Variants in ZFP37 observed in about 807,000 individuals in gnomAD.
ZFP37 encodes ZFP37 zinc finger protein.
ZFP37 carries 38 observed loss-of-function variants against 52.1 expected under a neutral mutation model. That is an observed-to-expected ratio of 0.73 (90% confidence interval 0.56 to 0.96). ZFP37 has a LOEUF of 0.96. Among genes scored for constraint, ZFP37 ranks in the 40% least tolerant of loss-of-function variants. The pLI is 0.00. For synonymous variants in ZFP37, 253 were observed against 259.5 expected (o/e 0.98, Z 0.24); for missense variants, 695 against 741.4 (o/e 0.94, Z 0.73).
In ZFP37 at chr9:113,044,200, C is replaced by A. The variant is rs772937776; in HGVS notation, c.418G>T (p.Ala140Ser). The A allele has an allele frequency of 6.2e-7, 1 of 1,602,314 alleles. No individual in the cohort carries two copies. The change falls in exon 4 of 4, where the codon GCA (alanine) becomes TCA (serine). Residue 140 changes from alanine (A) to serine (S), a missense_variant. Ala to Ser is a moderately conservative substitution (Grantham distance 99). Coordinates refer to ENST00000374227, the MANE Select transcript of ZFP37 (RefSeq NM_003408.3). ...TTAGCTTGAGTTTTCTTCTTGACTG[C>A]AACTTCCCTGAGGAGTTTGTTTTGA... Reference protein sequence around the residue: ...KSQNKLLREVAVKKKTQAKKN... With the variant: ...KSQNKLLREVSVKKKTQAKKN...
chr9:113,053,459 C>G (rs1829091986), intron 1 of ZFP37, among the ~76,000 whole-genome samples: 1 of 152,186 alleles, frequency 6.6e-6, no homozygotes, highest in African/African-American at 2.4e-5. Flanking sequence ...AGAGAAAAAT[C>G]AAACTGCTGA....
intron 3 of ZFP37, among the ~76,000 whole-genome samples, chr9:113,048,361 G>A (rs1269185411): frequency 6.6e-6 from 1 of 152,154 alleles, no homozygotes; most frequent in Non-Finnish European, 1.5e-5. Flanking sequence ...GCAGATCTAA[G>A]AATGTCCAAT....
chr9:113,039,458 C>G lies in ZFP37; in HGVS notation c.*3267G>C, dbSNP rs1037397678. ...CCGTCATATATATATACATGGTTTGCTCTTTTACCCTCTCTGGGTCTTTGC... is the reference window on the plus strand; with the variant it reads ...CCGTCATATATATATACATGGTTTGGTCTTTTACCCTCTCTGGGTCTTTGC... On this transcript the variant is annotated 3_prime_UTR_variant, in exon 4 of 4. Coordinates refer to ENST00000374227, the MANE Select transcript of ZFP37 (RefSeq NM_003408.3). 2 of 151,984 alleles carry G rather than the reference C, an allele frequency of 1.3e-5. No homozygotes were observed. Among genetic ancestry groups the G allele is most frequent in the African/African-American group, 4.8e-5 (2 of 41,362 alleles). The allele number at this position is 151,984 out of a possible 1,614,324, so 9.4% of individuals were successfully genotyped here.
chr9:113,042,658 TA>T lies in ZFP37; in HGVS notation c.*66del. ...TTGCTAAAGGCTTTCTAACACTCTT[TA>T]AAATCAGCATATTTCCAAGGTTCAA... On this transcript the variant is annotated 3_prime_UTR_variant, in exon 4 of 4. Coordinates refer to ENST00000374227, the MANE Select transcript of ZFP37 (RefSeq NM_003408.3). 1 of 1,386,766 alleles carries T rather than the reference TA, an allele frequency of 7.2e-7. No individual in the cohort carries two copies. The allele number at this position is 1,386,766 out of a possible 1,614,324, so 85.9% of individuals were successfully genotyped here.
At position 113,043,566 on chromosome 9, in the gene ZFP37, C is replaced by T. The variant is rs779620337; in HGVS notation, c.1052G>A (p.Cys351Tyr). 3 of 1,613,892 alleles carry T rather than the reference C, an allele frequency of 1.9e-6. No individual in the cohort carries two copies. The South Asian group carries it at 3.3e-5, about 18-fold the overall frequency. The change falls in exon 4 of 4, where the codon TGT becomes TAT. Residue 351 changes from cysteine (C) to tyrosine (Y), a missense_variant. By Grantham distance (194) the Cys-to-Tyr change is radical. Around this residue, in one of 2 missense-constraint regions of ZFP37, gnomAD observed 326 missense variants for 400.5 expected, o/e 0.81. Coordinates refer to ENST00000374227, the MANE Select transcript of ZFP37 (RefSeq NM_003408.3). ...ACCATGGGCTTTGCCACACTGAATA[C>T]ATTCATATGGTTTTTCTCCGGTGTG... ...RTHTGEKPYECIQCGKAHGHK... is the reference protein window; with the variant it reads ...RTHTGEKPYEYIQCGKAHGHK...
In ZFP37 at chr9:113,042,711, T is replaced by C. The variant is rs376217434; in HGVS notation, c.*14A>G. The C allele has an allele frequency of 2.1e-5, 32 of 1,529,518 alleles. No individual in the cohort carries two copies. The highest frequency in any genetic ancestry group is 2.7e-5 in the Non-Finnish European group (31 of 1,142,644). 94.7% of individuals were successfully genotyped at this position (1,529,518 alleles called of 1,614,324 possible). ...AAAACCTTAAATTTAGTTAACAAAT[T>C]TCCCACATTAACTTCACTCATGAGA... On this transcript the variant is annotated 3_prime_UTR_variant, in exon 4 of 4. Coordinates refer to ENST00000374227, the MANE Select transcript of ZFP37 (RefSeq NM_003408.3).
chr9:113,045,420 C>T (rs1564344554), intron 3 of ZFP37, among the ~76,000 whole-genome samples: 1 of 152,182 alleles, frequency 6.6e-6, no homozygotes, highest in Non-Finnish European at 1.5e-5. Flanking sequence ...TTGTAGTGTA[C>T]ATCCAACCTT....
In ZFP37 at chr9:113,039,722, G is replaced by T. The variant is rs1828816217; in HGVS notation, c.*3003C>A. 6.6e-6 allele frequency: 1 copy of T among 151,990 alleles called. No homozygotes were observed. The highest frequency in any genetic ancestry group is 2.1e-4 in the South Asian group (1 of 4,822). The allele number at this position is 151,990 out of a possible 1,614,324, so 9.4% of individuals were successfully genotyped here. On this transcript the variant is annotated 3_prime_UTR_variant, in exon 4 of 4. Coordinates refer to ENST00000374227, the MANE Select transcript of ZFP37 (RefSeq NM_003408.3). ...TGTTTTGTAGACTGCTGTATCTCAG[G>T]CACTTAGATGATCATATCACTTGAA...
rs983877580 is a variant in ZFP37 at position 113,041,329 on chromosome 9, C to T, written c.*1396G>A. 7.9e-5 allele frequency: 12 copies of T among 152,104 alleles called. No homozygotes were observed. Among genetic ancestry groups the T allele is most frequent in the African/African-American group, 2.9e-4 (12 of 41,410 alleles). The allele number at this position is 152,104 out of a possible 1,614,324, so 9.4% of individuals were successfully genotyped here. A position where few individuals can be genotyped will look rare whatever the true frequency, so the allele number is the denominator to read the frequency against. On this transcript the variant is annotated 3_prime_UTR_variant, in exon 4 of 4. Coordinates refer to ENST00000374227, the MANE Select transcript of ZFP37 (RefSeq NM_003408.3). ...AGTCCAAGTTGATGCATAGTACCTT[C>T]TGGAATGCACGCTGCACAATGATTC... is the stretch of plus-strand genomic sequence containing the variant.
chr9:113,047,668 A>G (rs1036677386), intron 3 of ZFP37, among the ~76,000 whole-genome samples: 29 of 152,366 alleles, frequency 1.9e-4, no homozygotes, highest in African/African-American at 6.7e-4. Flanking sequence ...ATGAGATAAT[A>G]TGAACCTGAT....
In ZFP37 at chr9:113,040,326, C is replaced by CTTTCT. The variant is rs1375667278; in HGVS notation, c.*2394_*2398dup. 1.3e-5 allele frequency: 2 copies of CTTTCT among 152,238 alleles called. No homozygotes were observed. Among genetic ancestry groups the CTTTCT allele is most frequent in the Non-Finnish European group, 2.9e-5 (2 of 68,036 alleles). 9.4% of individuals were successfully genotyped at this position (152,238 alleles called of 1,614,324 possible). ...GTTTCATCCATCTAAAAAGTGCAGG[C>CTTTCT]TTTCTACAGCTCTAGACAGTGATGA... On this transcript the variant is annotated 3_prime_UTR_variant, in exon 4 of 4. Coordinates refer to ENST00000374227, the MANE Select transcript of ZFP37 (RefSeq NM_003408.3).
chr9:113,049,374 C>A lies in ZFP37; in HGVS notation c.337G>T (p.Glu113Ter), dbSNP rs754671458. ...PSKIARPKQK[E>*]TDGKVQKDDD... The stretch of plus-strand genomic sequence containing the variant: ...AGTTACAACTTACTTCCATCAGTTT[C>A]TTTTTGCTTGGGTCTTGCTATTTTA... The change falls in exon 3 of 4, where the codon GAA (glutamate) becomes TAA (stop). Residue 113 changes from glutamate to a stop codon, truncating the protein, a stop_gained. Coordinates refer to ENST00000374227, the MANE Select transcript of ZFP37 (RefSeq NM_003408.3). LOFTEE classifies it high-confidence loss of function. The A allele has an allele frequency of 6.2e-7, 1 of 1,612,568 alleles. No homozygotes were observed. The highest frequency in any genetic ancestry group is 8.5e-7 in the Non-Finnish European group (1 of 1,179,604).
Position 113,040,237 on chromosome 9 carries a change from G to A in ZFP37, c.*2488C>T, listed in dbSNP as rs533420341. ...CATACCTATAATTCTCACTGTCTCA[G>A]ATGTGGCAATACTATGGGTTCCCCA... On this transcript the variant is annotated 3_prime_UTR_variant, in exon 4 of 4. Coordinates refer to ENST00000374227, the MANE Select transcript of ZFP37 (RefSeq NM_003408.3). 2 of 152,204 alleles carry A rather than the reference G, an allele frequency of 1.3e-5. No homozygotes were observed. Among genetic ancestry groups the A allele is most frequent in the Non-Finnish European group, 2.9e-5 (2 of 68,038 alleles). 9.4% of individuals were successfully genotyped at this position (152,204 alleles called of 1,614,324 possible).
rs1828906656 is a variant in ZFP37 at position 113,043,981 on chromosome 9, T to C, written c.637A>G (p.Asn213Asp). 6.2e-7 allele frequency: 1 copy of C among 1,613,986 alleles called. No homozygotes were observed. ...TTCCTTGTATCAGATAAGCTATGGTTGAATGACTTCTTGTGTTCTTTAGCT... is the reference window on the plus strand; with the variant it reads ...TTCCTTGTATCAGATAAGCTATGGTCGAATGACTTCTTGTGTTCTTTAGCT... ...DAAKEHKKSFNHSLSDTRKGK... is the reference protein window; with the variant it reads ...DAAKEHKKSFDHSLSDTRKGK... Residue 213 changes from asparagine (N) to aspartate (D), a missense_variant, in exon 4 of 4, where the codon AAC becomes GAC. Asn to Asp is a conservative substitution (Grantham distance 23). This residue lies in a region of ZFP37 where 369 missense variants were observed against 340.9 expected (regional missense o/e 1.08). Transcript: ENST00000374227.
At chr9:113,048,365 G>A (rs1201994526) in intron 3 of ZFP37, among the ~76,000 whole-genome samples, 1 of 152,148 alleles carries the variant, frequency 6.6e-6, no homozygotes, top group Admixed American at 6.5e-5. Context: ...ATCTAAGAAT[G>A]TCCAATACAT....
At chr9:113,046,831 C>T (rs762550239) in intron 3 of ZFP37, among the ~76,000 whole-genome samples, 5 of 152,104 alleles carry the variant, frequency 3.3e-5, no homozygotes, top group East Asian at 1.9e-4. Flanking sequence ...CTGAACTGGC[C>T]GGGCGCAGTG....
At chr9:113,044,688 A>T (rs1475221255) in intron 3 of ZFP37, among the ~76,000 whole-genome samples, 1 of 152,066 alleles carries the variant, frequency 6.6e-6, no homozygotes, top group Non-Finnish European at 1.5e-5. Context: ...ATATTACCCC[A>T]ATTCTCCATG....
In ZFP37 at chr9:113,054,149, A is replaced by G. The variant is rs191157309; in HGVS notation, c.132+2408T>C. ...TTCTAATCAATCAAAATAACCATTG[A>G]GCTACATACTGACAAAATCAAATGA... On this transcript the variant is annotated intron_variant, in intron 1 of 3. Coordinates refer to ENST00000374227, the MANE Select transcript of ZFP37 (RefSeq NM_003408.3). Among the ~76,000 whole-genome samples, 7 of 152,322 alleles carry G rather than the reference A, an allele frequency of 4.6e-5. No homozygotes were observed. The East Asian group carries it at 1.3e-3, about 29-fold the overall frequency.
At position 113,042,915 on chromosome 9, in the gene ZFP37, G is replaced by T; in HGVS notation, c.1703C>A (p.Thr568Asn). ...GTTACATTCATAAGGTTTCTCCCCA[G>T]TATGAGTTCTCTGATGTACAATGAG... ...SHLIVHQRTH[T>N]GEKPYECNEC... The change falls in exon 4 of 4, where the codon ACT becomes AAT. Residue 568 changes from threonine to asparagine, a missense_variant. By Grantham distance (65) the Thr-to-Asn change is moderately conservative. Transcript: ENST00000374227. 6.2e-7 allele frequency: 1 copy of T among 1,613,876 alleles called. No homozygotes were observed. The highest frequency in any genetic ancestry group is 8.5e-7 in the Non-Finnish European group (1 of 1,179,930).
Sources: allele counts gnomAD v4.1 joint callset (sites outside exome capture counted in the v4.1 genomes callset), GRCh38; gene constraint gnomAD v4.1.1; regional missense constraint gnomAD v4.1.1; transcripts MANE v1.5; gene names NCBI Gene and HGNC (gene_info 2026-07-23, HGNC 2026-07-21).